Variants in TMPRSS15 observed in about 807,000 individuals in gnomAD.
TMPRSS15 encodes enteropeptidase.
A neutral mutation model predicts 125.3 loss-of-function variants in TMPRSS15; 128 were observed. That is an observed-to-expected ratio of 1.02 (90% CI 0.89 to 1.18). The LOEUF (loss-of-function observed/expected upper bound fraction) is 1.18. Ranked by LOEUF, TMPRSS15 falls within the 50% of genes most tolerant of loss-of-function variation. The pLI, the probability that TMPRSS15 is intolerant of heterozygous loss-of-function variation, is 0.00. For missense variants in TMPRSS15, 1,283 were observed against 1,212.7 expected (o/e 1.06, Z -0.86); for synonymous variants, 446 against 423.2 (o/e 1.05, Z -0.66).
chr21:18,279,502 AT>A (rs568503406), intron 22 of TMPRSS15, among the ~76,000 whole-genome samples: 284 of 131,358 alleles, frequency 2.2e-3, no homozygotes, highest in Non-Finnish European at 2.5e-3. Flanking sequence ...ATTTTTTTGT[AT>A]TTTTTTTTTT....
chr21:18,404,964 G>T (rs1474395313), upstream of TMPRSS15, among the ~76,000 whole-genome samples: 1 of 151,942 alleles, frequency 6.6e-6, no homozygotes, highest in African/African-American at 2.4e-5. Context: ...GGACTTGGGA[G>T]AAGTTTATTT....
intron 16 of TMPRSS15, among the ~76,000 whole-genome samples, chr21:18,322,633 C>A (rs1388414843): frequency 6.6e-6 from 1 of 152,104 alleles, no homozygotes; most frequent in East Asian, 1.9e-4. Flanking sequence ...CACAGAAGGA[C>A]AAATGTTGCA....
At chr21:18,426,049 A>G (rs567241880) in intron 1 of TMPRSS15, among the ~76,000 whole-genome samples, 5 of 152,272 alleles carry the variant, frequency 3.3e-5, no homozygotes, top group Non-Finnish European at 7.4e-5. Flanking sequence ...ACTCTTTTAT[A>G]GCCTGCATAC....
Position 18,356,910 on chromosome 21 carries a change from C to T in TMPRSS15, c.880+2847G>A, listed in dbSNP as rs1162573515. On this transcript the variant is annotated intron_variant, in intron 8 of 24. Transcript: ENST00000284885. ...GTGCCTCAGGATAAGCATGGCCTTA[C>T]ACAATGTTAAGCTACAGTATTAGAA... 2.0e-5 allele frequency among the ~76,000 whole-genome samples: 3 copies of T among 151,810 alleles called. 1 individual carries two copies. Among genetic ancestry groups the T allele is most frequent in the East Asian group, 3.9e-4 (2 of 5,178 alleles).
intron 10 of TMPRSS15, among the ~76,000 whole-genome samples, chr21:18,348,805 G>C (rs1013208796): frequency 6.6e-6 from 1 of 152,132 alleles, no homozygotes; most frequent in African/African-American, 2.4e-5. Context: ...TATGTTTCTC[G>C]AATACTTTTG....
chr21:18,379,086 G>A (rs931711524), intron 5 of TMPRSS15, among the ~76,000 whole-genome samples, 197 bp downstream of exon 5: 2 of 152,040 alleles, frequency 1.3e-5, no homozygotes, highest in African/African-American at 2.4e-5. Context: ...GAGAACTCAG[G>A]CATTAGCCCT....
chr21:18,399,196 T>C (rs1288361042), intron 1 of TMPRSS15, among the ~76,000 whole-genome samples: 2 of 152,038 alleles, frequency 1.3e-5, no homozygotes, highest in Non-Finnish European at 2.9e-5. Flanking sequence ...TTTTCTGAGA[T>C]AGGGTAATTG....
chr21:18,310,979 T>TGG (rs113465511), intron 18 of TMPRSS15, among the ~76,000 whole-genome samples: 1 of 147,168 alleles, frequency 6.8e-6, no homozygotes, highest in African/African-American at 2.5e-5. Context: ...GAACATTCAC[T>TGG]GGGGGGGAAG....
At chr21:18,321,506 C>G (rs191697380) in intron 16 of TMPRSS15, among the ~76,000 whole-genome samples, 8 of 151,836 alleles carry the variant, frequency 5.3e-5, no homozygotes, top group Non-Finnish European at 2.9e-5. Context: ...GTGCCTGCCA[C>G]CACGCCCAGC....
chr21:18,288,522 C>A (rs1220415577), intron 21 of TMPRSS15, among the ~76,000 whole-genome samples: 2 of 141,898 alleles, frequency 1.4e-5, no homozygotes, highest in Non-Finnish European at 3.0e-5. Flanking sequence ...TAAGAAAATG[C>A]TCTTCCTTTT....
At chr21:18,271,956 A>G (rs897231384) in intron 24 of TMPRSS15, among the ~76,000 whole-genome samples, 4 of 150,776 alleles carry the variant, frequency 2.7e-5, no homozygotes, top group African/African-American at 9.8e-5. Context: ...TATGTGCCAC[A>G]TTTTCTTTAT....
intron 16 of TMPRSS15, among the ~76,000 whole-genome samples, chr21:18,323,266 T>C (rs1184860293): frequency 6.6e-6 from 1 of 152,200 alleles, no homozygotes; most frequent in Non-Finnish European, 1.5e-5. Flanking sequence ...TACCTGAGAC[T>C]AGGTAATTTA....
At chr21:18,335,348 T>C (rs976475162) in intron 13 of TMPRSS15, among the ~76,000 whole-genome samples, 1 of 152,222 alleles carries the variant, frequency 6.6e-6, no homozygotes, top group Non-Finnish European at 1.5e-5. Flanking sequence ...ACAGGAAAAA[T>C]GTAAAACCTT....
At chr21:18,471,035 A>G (rs1657176693) in intron 1 of TMPRSS15, among the ~76,000 whole-genome samples, 2 of 152,064 alleles carry the variant, frequency 1.3e-5, no homozygotes, top group Admixed American at 1.3e-4. Context: ...TAGTTGATAT[A>G]TGAAAGATGT....
rs144640412 is a variant in TMPRSS15, at chr21:18,270,025, C to A, written c.3004G>T (p.Gly1002Ter). 1.2e-6 allele frequency: 2 copies of A among 1,613,882 alleles called. No homozygotes were observed. Among genetic ancestry groups the A allele is most frequent in the African/African-American group, 1.3e-5 (1 of 74,980 alleles). The change falls in exon 25 of 25, where the codon GGA (glycine) becomes TGA (stop). Residue 1002 changes from glycine to a stop codon, truncating the protein, a stop_gained. Coordinates refer to ENST00000284885, the MANE Select transcript of TMPRSS15 (RefSeq NM_002772.3). LOFTEE classifies it high-confidence loss of function. The part of the protein sequence containing the change: ...GYKCALPNRP[G>*]VYARVSRFTE... ...AACCTTGAGACCCTGGCATACACTC[C>A]GGGGCGATTAGGCAGGGCACACTTG...
intron 3 of TMPRSS15, among the ~76,000 whole-genome samples, chr21:18,385,249 T>C (rs1370726439): frequency 6.6e-6 from 1 of 152,232 alleles, no homozygotes; most frequent in Admixed American, 6.5e-5. Context: ...AACTTACCCA[T>C]ACATGAAATC....
intron 1 of TMPRSS15, among the ~76,000 whole-genome samples, chr21:18,399,527 A>G: frequency 6.6e-6 from 1 of 152,114 alleles, no homozygotes; most frequent in East Asian, 1.9e-4. Flanking sequence ...ACAACAGATT[A>G]AAGGAGACTA....
chr21:18,355,929 T>C (rs1484063133), intron 8 of TMPRSS15, among the ~76,000 whole-genome samples: 3 of 151,762 alleles, frequency 2.0e-5, no homozygotes, highest in Admixed American at 1.3e-4. Flanking sequence ...AACAGAGTAA[T>C]AGAATTTGCC....
At chr21:18,296,303 A>C (rs2074907172) in intron 19 of TMPRSS15, among the ~76,000 whole-genome samples, 1 of 152,202 alleles carries the variant, frequency 6.6e-6, no homozygotes, top group African/African-American at 2.4e-5. Context: ...TTTCATAGGG[A>C]TACAAACATA....
Sources: allele counts gnomAD v4.1 joint callset (sites outside exome capture counted in the v4.1 genomes callset), GRCh38; gene constraint gnomAD v4.1.1; transcripts MANE v1.5; gene names NCBI Gene and HGNC (gene_info 2026-07-23, HGNC 2026-07-21).